Variants in RBM6 observed in about 807,000 individuals in gnomAD.
The protein encoded by RBM6 is RNA-binding protein 6.
Under a neutral mutation model 140.4 loss-of-function variants are expected in RBM6, and 23 were observed. That is an observed-to-expected ratio of 0.16 (90% CI 0.12 to 0.23). RBM6 has a LOEUF of 0.23. Ranked by LOEUF, RBM6 falls within the 10% of genes least tolerant of loss-of-function variation. The pLI is 1.00. For synonymous variants in RBM6, 439 were observed against 475.6 expected, an observed-to-expected ratio of 0.92 and a Z score of 1.00; for missense variants, 1,139 against 1,386.7, an observed-to-expected ratio of 0.82 and a Z score of 2.84.
At chr3:49,958,585 AC>A (rs2084121380) in intron 1 of RBM6, among the ~76,000 whole-genome samples, 1 of 150,456 alleles carries the variant, frequency 6.6e-6, no homozygotes, top group Non-Finnish European at 1.5e-5. Flanking sequence ...AAAACAAAAA[AC>A]AAAAAACCAC....
intron 5 of RBM6, among the ~76,000 whole-genome samples, chr3:49,987,493 A>G (rs2085616945): frequency 6.8e-6 from 1 of 147,572 alleles, no homozygotes; most frequent in African/African-American, 2.5e-5. Flanking sequence ...ATTTTTTGTA[A>G]TTTTAGTAGA....
intron 1 of RBM6, among the ~76,000 whole-genome samples, chr3:49,960,789 T>C (rs2084246043): frequency 6.6e-6 from 1 of 152,134 alleles, no homozygotes. Context: ...GGGTTGATAC[T>C]ACAGTGCTGT....
At chr3:50,069,810 A>G (rs938397762) in intron 18 of RBM6, among the ~76,000 whole-genome samples, 1 of 152,342 alleles carries the variant, frequency 6.6e-6, no homozygotes, top group East Asian at 1.9e-4. Context: ...AGAGTTGTCT[A>G]CTACAAAGAA....
In RBM6 at chr3:50,060,993, T is replaced by G; in HGVS notation, c.2266T>G (p.Tyr756Asp). 2 of 1,590,318 alleles carry G rather than the reference T, an allele frequency of 1.3e-6. No individual in the cohort carries two copies. The highest frequency in any genetic ancestry group is 1.7e-6 in the Non-Finnish European group (2 of 1,169,194). ...SGDHSDHMHY[Y>D]QGKKYFRDRR... ...GGACCATTCTGACCACATGCATTAC[T>G]ATCAGGTAGGCTGTAACAGGTGGGG... Residue 756 changes from tyrosine to aspartate, a missense_variant, in exon 12 of 21, where the codon TAT becomes GAT. Around this residue, in one of 9 missense-constraint regions of RBM6, gnomAD observed 163 missense variants for 182.8 expected, o/e 0.89. Coordinates refer to ENST00000266022, the MANE Select transcript of RBM6 (RefSeq NM_005777.3).
At chr3:50,010,863 A>G (rs1274026360) in intron 6 of RBM6, among the ~76,000 whole-genome samples, 2 of 125,106 alleles carry the variant, frequency 1.6e-5, no homozygotes, top group African/African-American at 3.1e-5. Context: ...AGATTGTACC[A>G]CTGCACTCCA....
At chr3:49,993,686 CT>C in intron 5 of RBM6, among the ~76,000 whole-genome samples, 1 of 150,262 alleles carries the variant, frequency 6.7e-6, no homozygotes, top group South Asian at 2.1e-4. Context: ...GTATATCTTC[CT>C]TTTTTCATTT....
chr3:50,072,539 C>T (rs2090338610), intron 19 of RBM6, among the ~76,000 whole-genome samples: 1 of 152,096 alleles, frequency 6.6e-6, no homozygotes, highest in Non-Finnish European at 1.5e-5. Context: ...CTCTGGCATT[C>T]CAGCTTATTT....
chr3:50,015,494 G>A (rs1345532110), intron 6 of RBM6, among the ~76,000 whole-genome samples: 2 of 150,194 alleles, frequency 1.3e-5, no homozygotes, highest in East Asian at 2.0e-4. Flanking sequence ...GCAGTGGCGC[G>A]ATCTCGGATC....
intron 6 of RBM6, among the ~76,000 whole-genome samples, chr3:50,036,416 G>GA (rs1161867535): frequency 6.6e-6 from 1 of 152,030 alleles, no homozygotes; most frequent in Non-Finnish European, 1.5e-5. Context: ...CTCCAGCAGG[G>GA]ATATAGTTAG....
intron 2 of RBM6, among the ~76,000 whole-genome samples, chr3:49,964,265 T>A (rs965678280): frequency 6.6e-6 from 1 of 152,192 alleles, no homozygotes; most frequent in African/African-American, 2.4e-5. Context: ...TCTCATTCAT[T>A]GTTCTGAAGC....
chr3:50,061,089 G>A, intron 12 of RBM6, 51 bp from the exon 13 acceptor site: 1 of 1,612,774 alleles, frequency 6.2e-7, no homozygotes, highest in Non-Finnish European at 8.5e-7. Context: ...GACTGTTAAG[G>A]TGAATGACCA....
In RBM6 at chr3:50,061,146, A is replaced by G. The variant is rs1425393516; in HGVS notation, c.2278A>G (p.Lys760Glu). Reference sequence around the variant, plus strand: ...ACTTGCCTTTCTGTGATAGGGTAAAAAATATTTCCGAGATAGGAGGGGAGG... The same window carrying G: ...ACTTGCCTTTCTGTGATAGGGTAAAGAATATTTCCGAGATAGGAGGGGAGG... ...SDHMHYYQGK[K>E]YFRDRRGGGR... Residue 760 changes from lysine to glutamate, a missense_variant, in exon 13 of 21, where the codon AAA becomes GAA. By Grantham distance (56) the Lys-to-Glu change is moderately conservative. Around this residue, in one of 9 missense-constraint regions of RBM6, gnomAD observed 163 missense variants for 182.8 expected, o/e 0.89. Coordinates refer to ENST00000266022, the MANE Select transcript of RBM6 (RefSeq NM_005777.3). The G allele has an allele frequency of 1.2e-6, 2 of 1,614,060 alleles. No homozygotes were observed. Among genetic ancestry groups the G allele is most frequent in the Non-Finnish European group, 8.5e-7 (1 of 1,180,044 alleles).
chr3:49,978,679 A>G (rs567230790), intron 5 of RBM6, among the ~76,000 whole-genome samples: 1 of 152,306 alleles, frequency 6.6e-6, no homozygotes, highest in Admixed American at 6.5e-5. Flanking sequence ...TTACGCTGCA[A>G]AATTATTAAT....
intron 1 of RBM6, among the ~76,000 whole-genome samples, chr3:49,955,160 C>CTTTTTTTTTTTTTTTGTT (rs2083918884): frequency 1.4e-5 from 1 of 72,706 alleles, no homozygotes; most frequent in Non-Finnish European, 2.3e-5. Flanking sequence ...TTTTTTCTTT[C>CTTTTTTTTTTTTTTTGTT]TTTTTTTTTT....
chr3:49,968,787 T>C (rs1261993995), intron 3 of RBM6, 39 bp downstream of exon 3: 10 of 1,472,018 alleles, frequency 6.8e-6, no homozygotes, highest in Admixed American at 2.3e-5. Context: ...TTTTTTTTTT[T>C]TTTTTTTTTT....
chr3:49,996,597 G>A (rs190561289), intron 5 of RBM6, among the ~76,000 whole-genome samples: 1 of 152,204 alleles, frequency 6.6e-6, no homozygotes, highest in African/African-American at 2.4e-5. Context: ...AATTTTGGGA[G>A]CTAGTATAAT....
At chr3:50,038,246 GT>G (rs2088664069) in intron 6 of RBM6, among the ~76,000 whole-genome samples, 1 of 152,122 alleles carries the variant, frequency 6.6e-6, no homozygotes, top group Admixed American at 6.6e-5. Flanking sequence ...CTTAGGTCTT[GT>G]GGGCCTCAGT....
intron 6 of RBM6, among the ~76,000 whole-genome samples, chr3:50,045,403 T>C (rs747863580): frequency 6.6e-6 from 1 of 152,188 alleles, no homozygotes; most frequent in Non-Finnish European, 1.5e-5. Context: ...CACCAGGTCC[T>C]CCAGGGATAG....
rs187101785 is a variant in RBM6 at position 50,046,425 on chromosome 3, C to T, written c.1558-1820C>T. ...AGAAACCCCGTCTCTACTAAAAATA[C>T]AAAATTAGCCAAGCGTGGTGGCATA... On this transcript the variant is annotated intron_variant, in intron 6 of 20. Transcript: ENST00000266022. Among the ~76,000 whole-genome samples the T allele has an allele frequency of 1.4e-4, 21 of 149,670 alleles. 1 individual carries two copies. In the East Asian group the frequency reaches 4.0e-3, roughly 28 times the overall value.
Sources: allele counts gnomAD v4.1 joint callset (sites outside exome capture counted in the v4.1 genomes callset), GRCh38; gene constraint gnomAD v4.1.1; regional missense constraint gnomAD v4.1.1; transcripts MANE v1.5; gene names NCBI Gene and HGNC (gene_info 2026-07-23, HGNC 2026-07-21).